Variants in NOL4L observed in about 807,000 individuals in gnomAD.
The protein encoded by NOL4L is nucleolar protein 4 like.
A neutral mutation model predicts 64.5 loss-of-function variants in NOL4L; 7 were observed. That is an observed-to-expected ratio of 0.11 (90% CI 0.06 to 0.20). NOL4L has a LOEUF of 0.20. NOL4L is among the 10% of genes least tolerant of loss of function. The pLI is 1.00. For missense variants in NOL4L, 680 were observed against 967.1 expected (o/e 0.70, Z 3.94); for synonymous variants, 413 against 401.0 (o/e 1.03, Z -0.36).
chr20:32,471,436 G>A (rs1401684978), intron 5 of NOL4L, among the ~76,000 whole-genome samples: 7 of 152,140 alleles, frequency 4.6e-5, no homozygotes, highest in East Asian at 1.9e-4. Flanking sequence ...GCTGGCACCC[G>A]CACAACTCAC....
intron 1 of NOL4L, among the ~76,000 whole-genome samples, chr20:32,577,064 C>A (rs1261590242): frequency 6.6e-6 from 1 of 152,176 alleles, no homozygotes; most frequent in Non-Finnish European, 1.5e-5. Flanking sequence ...TGAGGAGGTT[C>A]CCTGGCCTGT....
intron 2 of NOL4L, among the ~76,000 whole-genome samples, chr20:32,527,004 T>G (rs945765509): frequency 5.9e-5 from 9 of 152,180 alleles, no homozygotes; most frequent in African/African-American, 2.2e-4. Context: ...CCCTGGCATT[T>G]GTGATGCTTC....
At chr20:32,497,240 C>A (rs974865512) in intron 4 of NOL4L, among the ~76,000 whole-genome samples, 1 of 132,588 alleles carries the variant, frequency 7.5e-6, no homozygotes, top group African/African-American at 2.7e-5. Flanking sequence ...CCCTGGCCCA[C>A]CCACCCGCCC....
chr20:32,584,328 C>T (rs955473703), intron 1 of NOL4L, among the ~76,000 whole-genome samples: 9 of 151,080 alleles, frequency 6.0e-5, no homozygotes, highest in Non-Finnish European at 1.3e-4. Context: ...ACAGCCTGCC[C>T]GGCACGGCCA....
At chr20:32,477,965 C>T (rs1913728202) in intron 4 of NOL4L, among the ~76,000 whole-genome samples, 1 of 152,220 alleles carries the variant, frequency 6.6e-6, no homozygotes, top group Non-Finnish European at 1.5e-5. Flanking sequence ...TCCCATGACC[C>T]CATAACACAG....
At chr20:32,523,837 G>A (rs932986682) in intron 2 of NOL4L, among the ~76,000 whole-genome samples, 1 of 152,188 alleles carries the variant, frequency 6.6e-6, no homozygotes, top group Non-Finnish European at 1.5e-5. Flanking sequence ...GGACTTCACT[G>A]GCAGAGAGAG....
rs374212206 is a variant in NOL4L, at chr20:32,447,429, A to AAAAAAAGG, written c.*166_*167insCCTTTTTT. Reference sequence around the variant, plus strand: ...AAAAAAAAAAAAAAAAAAAAAAAAAAGTGTCCTTGTGCCCAAAGTCTCAGG... The same window carrying AAAAAAAGG: ...AAAAAAAAAAAAAAAAAAAAAAAAAAAAAAAAGGGTGTCCTTGTGCCCAAAGTCTCAGG... On this transcript the variant is annotated 3_prime_UTR_variant, in exon 11 of 11. Coordinates refer to ENST00000621426, the MANE Select transcript of NOL4L (RefSeq NM_001256798.2). The AAAAAAAGG allele has an allele frequency of 1.7e-5, 13 of 758,008 alleles. No homozygotes were observed. Among genetic ancestry groups the AAAAAAAGG allele is most frequent in the African/African-American group, 5.4e-5 (3 of 55,934 alleles). 47.0% of individuals were successfully genotyped at this position (758,008 alleles called of 1,614,324 possible). A position where few individuals can be genotyped will look rare whatever the true frequency, so the allele number is the denominator to read the frequency against.
chr20:32,508,398 A>G (rs2017225024), intron 4 of NOL4L, among the ~76,000 whole-genome samples: 1 of 152,234 alleles, frequency 6.6e-6, no homozygotes, highest in Non-Finnish European at 1.5e-5. Flanking sequence ...CTGGTGAGCC[A>G]TGTGATTTCA....
Position 32,447,553 on chromosome 20 carries a change from C to T in NOL4L, c.*43G>A, listed in dbSNP as rs1254437265. The T allele has an allele frequency of 1.9e-6, 3 of 1,543,760 alleles. No individual in the cohort carries two copies. The highest frequency in any genetic ancestry group is 1.4e-5 in the African/African-American group (1 of 73,476). On this transcript the variant is annotated 3_prime_UTR_variant, in exon 11 of 11. Coordinates refer to ENST00000621426, the MANE Select transcript of NOL4L (RefSeq NM_001256798.2). ...GCAGGAAGCCAGGTCCAGGCTGGGA[C>T]AGCCTCCTTCCCTAGGGCAGTGCGC...
intron 2 of NOL4L, among the ~76,000 whole-genome samples, chr20:32,525,460 T>C (rs1198771397): frequency 3.9e-5 from 6 of 152,240 alleles, no homozygotes; most frequent in Non-Finnish European, 8.8e-5. Context: ...AGGCAGGTTA[T>C]GTGTTTCTCT....
chr20:32,562,321 G>A (rs1041976997), intron 1 of NOL4L, among the ~76,000 whole-genome samples: 3 of 152,178 alleles, frequency 2.0e-5, no homozygotes, highest in African/African-American at 7.2e-5. Context: ...TAGCAGTGCT[G>A]AACGCTGACC....
chr20:32,459,380 A>ATT (rs35851647), intron 5 of NOL4L, among the ~76,000 whole-genome samples: 17 of 121,304 alleles, frequency 1.4e-4, no homozygotes, highest in African/African-American at 3.2e-4. Flanking sequence ...CGCTTGGCTA[A>ATT]TTTTTTTTTT....
rs1271144557 is a variant in NOL4L, at chr20:32,584,834, C to A, written c.57G>T (p.Gly19=). 6.0e-6 allele frequency: 9 copies of A among 1,488,624 alleles called. No homozygotes were observed. The highest frequency in any genetic ancestry group is 6.3e-6 in the Non-Finnish European group (7 of 1,118,596). The allele number at this position is 1,488,624 out of a possible 1,614,324, so 92.2% of individuals were successfully genotyped here. A position where few individuals can be genotyped will look rare whatever the true frequency, so the allele number is the denominator to read the frequency against. ...RGGWERERSP[G]DSELGRQFRD... ...GGAACTGGCGGCCCAGCTCCGAGTCCCCGGGGCTGCGCTCGCGCTCCCAGC... is the reference window on the plus strand; with the variant it reads ...GGAACTGGCGGCCCAGCTCCGAGTCACCGGGGCTGCGCTCGCGCTCCCAGC... Residue 19 remains glycine, a synonymous_variant, in exon 1 of 11, where the codon GGG becomes GGT. Coordinates refer to ENST00000621426, the MANE Select transcript of NOL4L (RefSeq NM_001256798.2).
At chr20:32,549,594 A>T (rs1359042175) in intron 1 of NOL4L, among the ~76,000 whole-genome samples, 2 of 152,072 alleles carry the variant, frequency 1.3e-5, no homozygotes, top group Non-Finnish European at 2.9e-5. Context: ...CTCTACTAAA[A>T]ATACAAAAAT....
At chr20:32,528,446 G>A (rs1025645313) in intron 1 of NOL4L, among the ~76,000 whole-genome samples, 3 of 152,260 alleles carry the variant, frequency 2.0e-5, no homozygotes, top group Non-Finnish European at 4.4e-5. Flanking sequence ...CAGCAGCTGA[G>A]CGCCAGCAAC....
intron 2 of NOL4L, 83 bp downstream of exon 2, chr20:32,527,672 GCCC>G (rs909501985): frequency 7.0e-7 from 1 of 1,429,066 alleles, no homozygotes; most frequent in Non-Finnish European, 9.3e-7. Flanking sequence ...TCCCTGCCCC[GCCC>G]CCCAAGCCCA....
At position 32,453,818 on chromosome 20, in the gene NOL4L, G is replaced by A; in HGVS notation, c.1120-57C>T. 1.3e-6 allele frequency: 2 copies of A among 1,513,136 alleles called. No individual in the cohort carries two copies. The highest frequency in any genetic ancestry group is 1.8e-6 in the Non-Finnish European group (2 of 1,115,976). The allele number at this position is 1,513,136 out of a possible 1,614,324, so 93.7% of individuals were successfully genotyped here. ...CCAAGCAGCTGCTCAAGCCCTTGCTGGGTCTCCTACAGGCGGTGAGCTTGG... is the reference window on the plus strand; with the variant it reads ...CCAAGCAGCTGCTCAAGCCCTTGCTAGGTCTCCTACAGGCGGTGAGCTTGG... On this transcript the variant is annotated intron_variant, in intron 6 of 10. Transcript: ENST00000621426. This position sits in a 1 kb window ranked among gnomAD's most constrained non-coding sequence, Gnocchi z 5.6.
chr20:32,503,576 T>G (rs942190662), intron 4 of NOL4L, among the ~76,000 whole-genome samples: 1 of 152,166 alleles, frequency 6.6e-6, no homozygotes, highest in African/African-American at 2.4e-5. Context: ...CACTTATTGG[T>G]CCATGCACAT....
intron 4 of NOL4L, among the ~76,000 whole-genome samples, chr20:32,490,156 C>CAT (rs754327569): frequency 2.4e-4 from 31 of 131,386 alleles, no homozygotes; most frequent in Admixed American, 6.5e-4. Flanking sequence ...TATATATACA[C>CAT]ATATATATAT....
Sources: allele counts gnomAD v4.1 joint callset (sites outside exome capture counted in the v4.1 genomes callset), GRCh38; gene constraint gnomAD v4.1.1; non-coding constraint Gnocchi (gnomAD v3.1); transcripts MANE v1.5; gene names NCBI Gene and HGNC (gene_info 2026-07-23, HGNC 2026-07-21).